HDAC9: variants seen among roughly 807,000 people sequenced by gnomAD.
The protein encoded by HDAC9 is histone deacetylase 9, also known as MEF-2 interacting transcription repressor (MITR) protein.
A neutral mutation model predicts 139.4 loss-of-function variants in HDAC9; 41 were observed. The observed-to-expected ratio is 0.29, with a 90% CI of 0.23 to 0.38. The LOEUF (loss-of-function observed/expected upper bound fraction) is 0.38, where lower values mean the gene tolerates loss of function less well. Among genes scored for constraint, HDAC9 ranks in the 10% least tolerant of loss-of-function variants. The pLI, the probability that HDAC9 is intolerant of heterozygous loss-of-function variation, is 1.00. For missense variants in HDAC9, 1,147 were observed against 1,297.0 expected (o/e 0.88, Z 1.78); for synonymous variants, 517 against 476.2 (o/e 1.09, Z -1.12).
chr7:18,733,215 ATACG>A (rs1786537919), intron 13 of HDAC9, among the ~76,000 whole-genome samples: 5 of 148,520 alleles, frequency 3.4e-5, no homozygotes, highest in Admixed American at 1.3e-4. Context: ...ACATGTGTCT[ATACG>A]TATATACACA....
At chr7:18,253,267 C>G (rs765932735) in intron 2 of HDAC9, among the ~76,000 whole-genome samples, 1 of 151,970 alleles carries the variant, frequency 6.6e-6, no homozygotes, top group Non-Finnish European at 1.5e-5. Context: ...GGGTATATAC[C>G]CAGTAATGGG....
intron 6 of HDAC9, among the ~76,000 whole-genome samples, chr7:18,599,666 G>C (rs1833423674): frequency 1.3e-5 from 2 of 151,564 alleles, no homozygotes; most frequent in South Asian, 4.2e-4. Flanking sequence ...TTGTATGGCT[G>C]AACCACTGTT....
intron 25 of HDAC9, 31 bp downstream of exon 25, chr7:18,975,984 G>T: frequency 1.2e-6 from 2 of 1,606,662 alleles, no homozygotes; most frequent in Non-Finnish European, 1.7e-6. Flanking sequence ...AATAATCCGG[G>T]TCAGTCATAT....
At chr7:18,110,567 G>T (rs968623471) in intron 1 of HDAC9, among the ~76,000 whole-genome samples, 2 of 152,210 alleles carry the variant, frequency 1.3e-5, no homozygotes, top group Non-Finnish European at 2.9e-5. Flanking sequence ...GGTGAGTGAG[G>T]CTGGGAAGCC....
chr7:18,282,824 G>A (rs1416727442), intron 2 of HDAC9, among the ~76,000 whole-genome samples: 2 of 151,930 alleles, frequency 1.3e-5, no homozygotes, highest in Non-Finnish European at 2.9e-5. Flanking sequence ...TAGAGCCCAG[G>A]ACTATTTGAT....
intron 1 of HDAC9, among the ~76,000 whole-genome samples, chr7:18,321,055 A>AGTTCCT (rs1799992465): frequency 6.6e-6 from 1 of 152,136 alleles, no homozygotes; most frequent in Non-Finnish European, 1.5e-5. Flanking sequence ...TTTTCATAGA[A>AGTTCCT]CTTGACCAAA....
At chr7:18,278,409 T>A (rs1338395260) in intron 2 of HDAC9, among the ~76,000 whole-genome samples, 1 of 152,188 alleles carries the variant, frequency 6.6e-6, no homozygotes, top group Non-Finnish European at 1.5e-5. Context: ...GAGGAAGAAC[T>A]CCCTGGGAAG....
intron 1 of HDAC9, among the ~76,000 whole-genome samples, chr7:18,377,533 A>G (rs975502832): frequency 1.6e-4 from 24 of 152,326 alleles, no homozygotes; most frequent in African/African-American, 4.8e-4. Flanking sequence ...ATATATGCGC[A>G]TGACACTTGA....
intron 1 of HDAC9, among the ~76,000 whole-genome samples, chr7:18,415,809 A>G (rs1788996918): frequency 6.6e-6 from 1 of 152,198 alleles, no homozygotes; most frequent in Non-Finnish European, 1.5e-5. Context: ...TATGTTTTGC[A>G]GATTTCAAGT....
chr7:18,242,813 A>G (rs541967628), intron 2 of HDAC9, among the ~76,000 whole-genome samples: 10 of 152,230 alleles, frequency 6.6e-5, no homozygotes, highest in African/African-American at 2.2e-4. Flanking sequence ...AGAGATTTCT[A>G]TGAATCTCTT....
intron 22 of HDAC9, among the ~76,000 whole-genome samples, chr7:18,887,448 T>C (rs1360878271): frequency 1.3e-5 from 2 of 152,242 alleles, no homozygotes; most frequent in African/African-American, 4.8e-5. Flanking sequence ...ACTTCTTTTT[T>C]TGTGTCTTGA....
chr7:18,752,797 T>C lies in HDAC9; in HGVS notation c.2043+3659T>C, dbSNP rs115462004. 2.6e-3 allele frequency among the ~76,000 whole-genome samples: 398 copies of C among 152,222 alleles called. 2 individuals carry two copies. Among genetic ancestry groups the C allele is most frequent in the African/African-American group, 9.3e-3 (385 of 41,560 alleles). ...TCAGTATCCACATAGTCGTCTGCCG[T>C]CTTTGGGAACTATTCTCCCACCACG... On this transcript the variant is annotated intron_variant, in intron 14 of 25. Coordinates refer to ENST00000686413, the MANE Select transcript of HDAC9 (RefSeq NM_178425.4).
intron 16 of HDAC9, among the ~76,000 whole-genome samples, chr7:18,782,483 T>C (rs1791328668): frequency 6.6e-6 from 1 of 152,074 alleles, no homozygotes; most frequent in Non-Finnish European, 1.5e-5. Context: ...ATTAGCTTTG[T>C]TTCAGATTCC....
At chr7:18,703,761 C>T (rs1325711865) in intron 12 of HDAC9, among the ~76,000 whole-genome samples, 14 of 151,380 alleles carry the variant, frequency 9.2e-5, no homozygotes, top group Admixed American at 7.2e-4. Context: ...AACCCCCAAT[C>T]CCCATCCCTG....
intron 22 of HDAC9, among the ~76,000 whole-genome samples, chr7:18,924,363 T>C (rs1001579257): frequency 6.6e-6 from 1 of 152,120 alleles, no homozygotes; most frequent in Non-Finnish European, 1.5e-5. Flanking sequence ...TAACATACAA[T>C]TGCTGTCTAA....
intron 8 of HDAC9, among the ~76,000 whole-genome samples, chr7:18,635,973 A>G (rs549352068): frequency 6.6e-6 from 1 of 152,124 alleles, no homozygotes; most frequent in African/African-American, 2.4e-5. Flanking sequence ...TATGATATGT[A>G]TAATAAATTA....
intron 21 of HDAC9, among the ~76,000 whole-genome samples, chr7:18,860,810 T>C (rs567643305): frequency 2.0e-5 from 3 of 152,270 alleles, no homozygotes; most frequent in Admixed American, 6.5e-5. Flanking sequence ...GTGTATTTTA[T>C]TGAGCAATCA....
At chr7:18,636,504 T>G (rs1197877627) in intron 8 of HDAC9, among the ~76,000 whole-genome samples, 1 of 152,014 alleles carries the variant, frequency 6.6e-6, no homozygotes, top group East Asian at 1.9e-4. Flanking sequence ...GGAATATACC[T>G]TCCTTCTAGA....
At chr7:18,488,579 G>T (rs778934006) in intron 1 of HDAC9, among the ~76,000 whole-genome samples, 2 of 151,922 alleles carry the variant, frequency 1.3e-5, no homozygotes, top group Non-Finnish European at 2.9e-5. Flanking sequence ...GGTGTATTCA[G>T]TGAAATTCAT....
Sources: allele counts gnomAD v4.1 joint callset (sites outside exome capture counted in the v4.1 genomes callset), GRCh38; gene constraint gnomAD v4.1.1; transcripts MANE v1.5; gene names NCBI Gene and HGNC (gene_info 2026-07-23, HGNC 2026-07-21).